Variants in FBN2 observed in about 807,000 individuals in gnomAD.
FBN2 encodes fibrillin-2.
Under a neutral mutation model 355.6 loss-of-function variants are expected in FBN2, and 105 were observed. The ratio of observed to expected loss-of-function variants is 0.30; its 90% CI spans 0.25 to 0.35. FBN2 has a LOEUF of 0.35. Ranked by LOEUF, FBN2 falls within the 10% of genes least tolerant of loss-of-function variation. The pLI, the probability that FBN2 is intolerant of heterozygous loss-of-function variation, is 1.00. For missense variants in FBN2, 3,280 were observed against 3,758.7 expected (o/e 0.87, Z 3.33); for synonymous variants, 1,350 against 1,301.2 (o/e 1.04, Z -0.81).
intron 52 of FBN2, 134 bp from the exon 53 acceptor site, chr5:128,288,691 C>T: frequency 1.0e-6 from 1 of 1,000,322 alleles, no homozygotes; most frequent in East Asian, 2.5e-5. Flanking sequence ...ATCCCTTGGG[C>T]CTTGGCTGGC....
At chr5:128,394,906 C>T (rs1438068692) in intron 9 of FBN2, among the ~76,000 whole-genome samples, 1 of 151,990 alleles carries the variant, frequency 6.6e-6, no homozygotes, top group East Asian at 1.9e-4. Context: ...CCACCTCAGT[C>T]CCACAAGTAT....
intron 30 of FBN2, 30 bp downstream of exon 30, chr5:128,335,140 T>C (rs368350973): frequency 1.2e-5 from 20 of 1,613,896 alleles, no homozygotes; most frequent in Non-Finnish European, 1.5e-5. Flanking sequence ...TGTGTGTGTA[T>C]AAATGTTTAT....
intron 5 of FBN2, among the ~76,000 whole-genome samples, chr5:128,470,646 G>A (rs1754836258): frequency 6.6e-6 from 1 of 152,114 alleles, no homozygotes; most frequent in African/African-American, 2.4e-5. Flanking sequence ...GGACAAGACG[G>A]GAAGTAAGAA....
rs1050377665 is a variant in FBN2 at position 128,495,004 on chromosome 5, T to G, written c.628+24269A>C. 3.9e-5 allele frequency among the ~76,000 whole-genome samples: 6 copies of G among 152,340 alleles called. No individual in the cohort carries two copies. The South Asian group carries it at 6.2e-4, about 16-fold the overall frequency. On this transcript the variant is annotated intron_variant, in intron 5 of 64. Coordinates refer to ENST00000262464, the MANE Select transcript of FBN2 (RefSeq NM_001999.4). The stretch of plus-strand genomic sequence containing the variant: ...GACAAATACCTCAAAGCAGTCATTA[T>G]GAGTATGTCCCAAAACCTAAAGGAA...
At chr5:128,472,677 G>A in intron 5 of FBN2, among the ~76,000 whole-genome samples, 1 of 151,932 alleles carries the variant, frequency 6.6e-6, no homozygotes, top group South Asian at 2.1e-4. Flanking sequence ...CATAATCCCA[G>A]CTACTCGGGA....
chr5:128,463,301 A>C (rs191904491), intron 6 of FBN2, among the ~76,000 whole-genome samples: 2 of 152,224 alleles, frequency 1.3e-5, no homozygotes, highest in East Asian at 3.9e-4. Flanking sequence ...TAATATTCAT[A>C]CCAAAACATA....
intron 8 of FBN2, among the ~76,000 whole-genome samples, chr5:128,407,655 T>A (rs185923020): frequency 2.0e-5 from 3 of 152,376 alleles, no homozygotes; most frequent in African/African-American, 4.8e-5. Flanking sequence ...GTATCTCTTA[T>A]GTTCACTGCT....
At chr5:128,502,838 C>T (rs767259323) in intron 5 of FBN2, among the ~76,000 whole-genome samples, 6 of 152,180 alleles carry the variant, frequency 3.9e-5, no homozygotes, top group Non-Finnish European at 7.4e-5. Context: ...CAAAAATAAG[C>T]AGGCAGAAAA....
intron 7 of FBN2, chr5:128,442,010 T>C: frequency 5.2e-6 from 1 of 191,000 alleles, no homozygotes; most frequent in East Asian, 1.5e-4. Flanking sequence ...TTCAGTTTAG[T>C]ACAGAAAGTT....
intron 2 of FBN2, among the ~76,000 whole-genome samples, chr5:128,535,353 C>T (rs1462755934): frequency 6.6e-6 from 1 of 152,118 alleles, no homozygotes; most frequent in African/African-American, 2.4e-5. Context: ...GTTAGAAATG[C>T]CACTACATCC....
chr5:128,297,124 C>T (rs536867319), intron 48 of FBN2, among the ~76,000 whole-genome samples: 1 of 152,172 alleles, frequency 6.6e-6, no homozygotes, highest in East Asian at 1.9e-4. Flanking sequence ...GCAGGTTGTT[C>T]AGTTTCCATG....
Position 128,280,275 on chromosome 5 carries a change from C to G in FBN2, c.7055G>C (p.Gly2352Ala), listed in dbSNP as rs764330020. ...CRTKPGICEN[G>A]RCVNIIGSYR... ...GCTTCCAATAATGTTAACACAACGT[C>G]CATTTTCACAGATTCCTGGCTTGGT... is the stretch of plus-strand genomic sequence containing the variant. The change falls in exon 56 of 65, where the codon GGA becomes GCA. Residue 2352 changes from glycine (G) to alanine (A), a missense_variant. This residue lies in a region of FBN2 where 2,284 missense variants were observed against 2,749.5 expected (regional missense o/e 0.83). Transcript: ENST00000262464. 6.2e-7 allele frequency: 1 copy of G among 1,611,464 alleles called. No homozygotes were observed.
chr5:128,351,994 T>C (rs1314157799), intron 20 of FBN2, among the ~76,000 whole-genome samples: 2 of 152,210 alleles, frequency 1.3e-5, no homozygotes, highest in African/African-American at 4.8e-5. Context: ...TATAAAATCC[T>C]TTTCCTTCTA....
intron 6 of FBN2, among the ~76,000 whole-genome samples, chr5:128,452,525 G>T (rs1413543527): frequency 1.3e-5 from 2 of 151,934 alleles, no homozygotes; most frequent in Non-Finnish European, 2.9e-5. Flanking sequence ...ATTATTAGAT[G>T]ATATATTATT....
intron 48 of FBN2, among the ~76,000 whole-genome samples, chr5:128,297,691 A>C (rs1372735596): frequency 6.6e-6 from 1 of 152,094 alleles, no homozygotes; most frequent in East Asian, 1.9e-4. Context: ...TTTGCTCGGT[A>C]GATCTTCCTC....
rs1751955699 is a variant in FBN2 at position 128,371,943 on chromosome 5, T to G, written c.2096-2609A>C. On this transcript the variant is annotated intron_variant, in intron 15 of 64. Transcript: ENST00000262464. The stretch of plus-strand genomic sequence containing the variant: ...TATGCAAAATGCTAACTTTATTTTA[T>G]TCTTCTTTCTTTAAAATCAACTTTT... 2.6e-5 allele frequency among the ~76,000 whole-genome samples: 4 copies of G among 152,356 alleles called. No homozygotes were observed. In the South Asian group the frequency reaches 8.3e-4, roughly 32 times the overall value.
chr5:128,259,261 G>T lies in FBN2; in HGVS notation c.*194C>A. On this transcript the variant is annotated 3_prime_UTR_variant, in exon 65 of 65. Transcript: ENST00000262464. Reference sequence around the variant, plus strand: ...AAATACAGTAACCACGGTTGCCTTTGTGCTCAAATCTTTGGCCATACCAGA... The same window carrying T: ...AAATACAGTAACCACGGTTGCCTTTTTGCTCAAATCTTTGGCCATACCAGA... The T allele has an allele frequency of 1.5e-6, 1 of 649,052 alleles. No individual in the cohort carries two copies. The highest frequency in any genetic ancestry group is 2.7e-6 in the Non-Finnish European group (1 of 376,510). 40.2% of individuals were successfully genotyped at this position (649,052 alleles called of 1,614,324 possible). A position where few individuals can be genotyped will look rare whatever the true frequency, so the allele number is the denominator to read the frequency against.
intron 7 of FBN2, among the ~76,000 whole-genome samples, chr5:128,409,368 G>C (rs561016564): frequency 6.6e-6 from 1 of 152,204 alleles, no homozygotes; most frequent in East Asian, 1.9e-4. Flanking sequence ...AACTTGGGAG[G>C]CTTTGGGAAG....
intron 34 of FBN2, among the ~76,000 whole-genome samples, chr5:128,325,235 G>T (rs1368713150): frequency 2.0e-5 from 3 of 152,128 alleles, no homozygotes; most frequent in Admixed American, 1.3e-4. Flanking sequence ...TATTGTGTGG[G>T]AGTCTAAGTC....
Sources: allele counts gnomAD v4.1 joint callset (sites outside exome capture counted in the v4.1 genomes callset), GRCh38; gene constraint gnomAD v4.1.1; regional missense constraint gnomAD v4.1.1; transcripts MANE v1.5; gene names NCBI Gene and HGNC (gene_info 2026-07-23, HGNC 2026-07-21).